The following SH2D4A variants were observed in gnomAD, a reference collection of about 807,000 sequenced individuals.
The protein encoded by SH2D4A is SH2 domain containing 4A.
SH2D4A carries 70 observed loss-of-function variants against 64.7 expected under a neutral mutation model. That is an observed-to-expected ratio of 1.08 (90% CI 0.89 to 1.32). The LOEUF is 1.32. SH2D4A is among the 40% of genes most tolerant of loss of function. The pLI is 0.00. For missense variants in SH2D4A, 706 were observed against 540.1 expected, an observed-to-expected ratio of 1.31 and a Z score of -3.04; for synonymous variants, 268 against 200.7, an observed-to-expected ratio of 1.34 and a Z score of -2.83.
chr8:19,363,353 A>G (rs1441634028), intron 6 of SH2D4A, among the ~76,000 whole-genome samples: 1 of 152,112 alleles, frequency 6.6e-6, no homozygotes, highest in Non-Finnish European at 1.5e-5. Flanking sequence ...CAGGTATTAC[A>G]GGTATGAGCC....
chr8:19,391,628 G>A (rs2053494397), intron 8 of SH2D4A, among the ~76,000 whole-genome samples: 1 of 152,220 alleles, frequency 6.6e-6, no homozygotes, highest in Non-Finnish European at 1.5e-5. Context: ...GGACTCTGCA[G>A]TGGGACACCT....
At chr8:19,373,747 C>A in intron 8 of SH2D4A, 87 bp downstream of exon 8, 2 of 1,479,140 alleles carry the variant, frequency 1.4e-6, no homozygotes, top group Non-Finnish European at 1.8e-6. Context: ...TAAAAGCTTC[C>A]ATTTATTGGT....
chr8:19,374,001 G>A (rs1487408409), intron 8 of SH2D4A, among the ~76,000 whole-genome samples: 2 of 152,178 alleles, frequency 1.3e-5, no homozygotes, highest in African/African-American at 4.8e-5. Flanking sequence ...TCCTTTCACC[G>A]AGGGACACAC....
At chr8:19,330,731 C>T (rs532633208) in intron 2 of SH2D4A, among the ~76,000 whole-genome samples, 1 of 152,164 alleles carries the variant, frequency 6.6e-6, no homozygotes, top group South Asian at 2.1e-4. Context: ...GGCACAGTGC[C>T]ACTTGCCATC....
At chr8:19,322,953 G>A (rs938771754) in intron 2 of SH2D4A, among the ~76,000 whole-genome samples, 1 of 152,130 alleles carries the variant, frequency 6.6e-6, no homozygotes, top group Admixed American at 6.5e-5. Flanking sequence ...GGGATTACAC[G>A]CATGACCCAC....
intron 8 of SH2D4A, among the ~76,000 whole-genome samples, chr8:19,390,198 T>TAG (rs1014270882): frequency 1.4e-4 from 22 of 152,266 alleles, no homozygotes; most frequent in African/African-American, 5.3e-4. Context: ...CTGGCCAACA[T>TAG]GGTAAAACCC....
chr8:19,389,271 T>C (rs2053443371), intron 8 of SH2D4A, among the ~76,000 whole-genome samples: 1 of 152,168 alleles, frequency 6.6e-6, no homozygotes. Context: ...CTGTTTACCA[T>C]CTCCTATGCA....
At chr8:19,388,780 T>C (rs1410022875) in intron 8 of SH2D4A, among the ~76,000 whole-genome samples, 1 of 152,184 alleles carries the variant, frequency 6.6e-6, no homozygotes, top group African/African-American at 2.4e-5. Context: ...TCAGACTTGA[T>C]TATAAGACAC....
rs58695585 is a variant in SH2D4A, at chr8:19,332,691, CA to C, written c.182-242del. The stretch of plus-strand genomic sequence containing the variant: ...AGCCTGGGCAACAGTGTGAGACTGT[CA>C]AAAAAAAAAAAAAAAAAAAAAGCAC... On this transcript the variant is annotated intron_variant, in intron 2 of 9. Coordinates refer to ENST00000265807, the MANE Select transcript of SH2D4A (RefSeq NM_022071.4). 4.8e-3 allele frequency among the ~76,000 whole-genome samples: 393 copies of C among 81,704 alleles called. 2 individuals carry two copies. Among genetic ancestry groups the C allele is most frequent in the East Asian group, 0.013 (31 of 2,400 alleles). The allele number at this position is 81,704 out of a possible 152,430, so 53.6% of individuals were successfully genotyped here. A position where few individuals can be genotyped will look rare whatever the true frequency, so the allele number is the denominator to read the frequency against.
In SH2D4A at chr8:19,364,828, T is replaced by G. The variant is rs191654749; in HGVS notation, c.917+546T>G. Among the ~76,000 whole-genome samples the G allele has an allele frequency of 6.6e-5, 10 of 152,338 alleles. No homozygotes were observed. In the East Asian group the frequency reaches 1.9e-3, roughly 29 times the overall value. On this transcript the variant is annotated intron_variant, in intron 7 of 9. Coordinates refer to ENST00000265807, the MANE Select transcript of SH2D4A (RefSeq NM_022071.4). ...CTTTTAAGAATTTGGAAAGCCTCCT[T>G]TTTTAGATGAATTGTCTATTTGGTG... is the stretch of plus-strand genomic sequence containing the variant.
chr8:19,379,384 A>G lies in SH2D4A; in HGVS notation c.1048+5724A>G, dbSNP rs139692440. Among the ~76,000 whole-genome samples the G allele has an allele frequency of 4.2e-3, 638 of 152,290 alleles. 6 individuals carry two copies. The highest frequency in any genetic ancestry group is 0.013 in the African/African-American group (559 of 41,568). On this transcript the variant is annotated intron_variant, in intron 8 of 9. Transcript: ENST00000265807. ...TCAAATCAGAATAATACTCCCTTCT[A>G]TGGATGGGCCACAGTTTGCTTACCC...
At chr8:19,346,037 T>G (rs1010058441) in intron 4 of SH2D4A, among the ~76,000 whole-genome samples, 8 of 152,228 alleles carry the variant, frequency 5.3e-5, no homozygotes, top group Non-Finnish European at 8.8e-5. Flanking sequence ...AAAGGATATA[T>G]TTTTGTTGGT....
Position 19,334,673 on chromosome 8 carries a change from T to G in SH2D4A, c.342-13T>G, listed in dbSNP as rs751093978. The G allele has an allele frequency of 2.5e-6, 4 of 1,577,318 alleles. No individual in the cohort carries two copies. In the South Asian group the frequency reaches 4.7e-5, roughly 18 times the overall value. On this transcript the variant is annotated splice_polypyrimidine_tract_variant and intron_variant, in intron 3 of 9. Transcript: ENST00000265807. ...GAATGTTTTTTGAGAATTTCACTTT[T>G]GCCTCTCTTCAGAAAAACTCACTCT...
chr8:19,328,758 GA>G (rs2052324372), intron 2 of SH2D4A, among the ~76,000 whole-genome samples: 1 of 152,202 alleles, frequency 6.6e-6, no homozygotes, highest in Non-Finnish European at 1.5e-5. Flanking sequence ...TAAAGAATGT[GA>G]AAATAATACA....
intron 8 of SH2D4A, among the ~76,000 whole-genome samples, chr8:19,392,200 A>G (rs1563216304): frequency 6.6e-6 from 1 of 152,190 alleles, no homozygotes; most frequent in Non-Finnish European, 1.5e-5. Flanking sequence ...ATGTCTATAT[A>G]TAACTTCATA....
chr8:19,314,515 G>A (rs936947505), intron 1 of SH2D4A, among the ~76,000 whole-genome samples: 5 of 152,102 alleles, frequency 3.3e-5, no homozygotes, highest in African/African-American at 1.2e-4. Context: ...GCCCCTGCCC[G>A]CTCCTGGACT....
At chr8:19,368,697 A>C (rs1005143400) in intron 7 of SH2D4A, among the ~76,000 whole-genome samples, 1 of 150,816 alleles carries the variant, frequency 6.6e-6, no homozygotes, top group African/African-American at 2.4e-5. Flanking sequence ...CATATACTAC[A>C]ATTTCCCTGA....
intron 5 of SH2D4A, among the ~76,000 whole-genome samples, chr8:19,358,567 G>A (rs376422145): frequency 6.6e-6 from 1 of 152,172 alleles, no homozygotes. Context: ...GTCTGTTCCA[G>A]GCAGAGGGAA....
intron 5 of SH2D4A, among the ~76,000 whole-genome samples, chr8:19,357,936 C>T (rs1265186804): frequency 1.3e-5 from 2 of 152,010 alleles, no homozygotes; most frequent in Non-Finnish European, 2.9e-5. Flanking sequence ...TTCCTGAGAT[C>T]GGGCTGTGGT....
Sources: gnomAD v4.1 joint callset for allele counts (sites outside exome capture counted in the v4.1 genomes callset) on GRCh38, gnomAD v4.1.1 for gene constraint, MANE v1.5 for transcripts, NCBI Gene and HGNC (gene_info 2026-07-23, HGNC 2026-07-21) for gene names.